SCHIP1: variants seen among roughly 807,000 people sequenced by gnomAD.
SCHIP1 encodes schwannomin-interacting protein 1.
In SCHIP1, 8 loss-of-function variants were observed where a neutral mutation model predicts 29.7. That is an observed-to-expected ratio of 0.27 (90% CI 0.16 to 0.49). The LOEUF (loss-of-function observed/expected upper bound fraction) is 0.49. Among genes scored for constraint, SCHIP1 ranks in the 20% least tolerant of loss-of-function variants. The pLI is 0.99. For synonymous variants in SCHIP1, 76 were observed against 94.9 expected, an observed-to-expected ratio of 0.80 and a Z score of 1.16; for missense variants, 193 against 294.6, an observed-to-expected ratio of 0.66 and a Z score of 2.52.
the SCHIP1 span, among the ~76,000 whole-genome samples, chr3:159,737,565 T>A: frequency 6.6e-6 from 1 of 152,206 alleles, no homozygotes; most frequent in Non-Finnish European, 1.5e-5. Flanking sequence ...TGTGCTACTA[T>A]TATTGAATTC....
chr3:159,409,835 A>G, the SCHIP1 span, among the ~76,000 whole-genome samples: 3 of 152,200 alleles, frequency 2.0e-5, no homozygotes. Flanking sequence ...CTGAACAAAA[A>G]GAACAAAACT....
the SCHIP1 span, chr3:159,387,097 G>A: frequency 2.4e-4 from 43 of 178,700 alleles, no homozygotes; most frequent in Middle Eastern, 4.9e-3. Flanking sequence ...AAGGAATGAT[G>A]TGGAGCATAC....
the SCHIP1 span, among the ~76,000 whole-genome samples, chr3:159,407,443 T>C: frequency 1.3e-5 from 2 of 152,152 alleles, no homozygotes; most frequent in African/African-American, 4.8e-5. Flanking sequence ...AACTGAGGAC[T>C]TCAGTATCTC....
At chr3:159,494,907 T>G in the SCHIP1 span, among the ~76,000 whole-genome samples, 23 of 152,246 alleles carry the variant, frequency 1.5e-4, no homozygotes, top group South Asian at 4.6e-3. Flanking sequence ...GCTTATCCAC[T>G]ATGATCAAGT....
At chr3:159,884,770 A>G (rs1716800456) in intron 2 of SCHIP1, among the ~76,000 whole-genome samples, 1 of 152,190 alleles carries the variant, frequency 6.6e-6, no homozygotes, top group South Asian at 2.1e-4. Context: ...GCCTGGAGAA[A>G]GAAGTAAGGA....
the SCHIP1 span, among the ~76,000 whole-genome samples, chr3:159,582,557 G>A: frequency 1.3e-5 from 2 of 151,934 alleles, no homozygotes; most frequent in African/African-American, 4.8e-5. Flanking sequence ...ATGTTTCTAA[G>A]CAATAAGTAT....
chr3:159,801,652 A>T, the SCHIP1 span, among the ~76,000 whole-genome samples: 6 of 152,286 alleles, frequency 3.9e-5, no homozygotes, highest in East Asian at 1.2e-3. Flanking sequence ...CTCCTGTTAT[A>T]ATCAAAATCT....
chr3:159,765,098 A>C, the SCHIP1 span: 1 of 1,572,556 alleles, frequency 6.4e-7, no homozygotes, highest in South Asian at 1.2e-5. Flanking sequence ...CGGGAGCAGG[A>C]GGTACGGAAC....
chr3:159,553,073 T>C, the SCHIP1 span, among the ~76,000 whole-genome samples: 4 of 152,188 alleles, frequency 2.6e-5, no homozygotes, highest in South Asian at 4.1e-4. Context: ...TGACAATACC[T>C]ATTAAGTTTG....
At chr3:159,357,454 A>T in the SCHIP1 span, among the ~76,000 whole-genome samples, 1 of 152,208 alleles carries the variant, frequency 6.6e-6, no homozygotes, top group Admixed American at 6.5e-5. Flanking sequence ...AGACTGGAAA[A>T]TCAGTGAAGA....
At chr3:159,596,753 A>G in the SCHIP1 span, among the ~76,000 whole-genome samples, 1 of 151,862 alleles carries the variant, frequency 6.6e-6, no homozygotes, top group Non-Finnish European at 1.5e-5. Flanking sequence ...GAACAATGAG[A>G]ACACTTGGAC....
At chr3:159,445,643 A>T in the SCHIP1 span, among the ~76,000 whole-genome samples, 1 of 152,210 alleles carries the variant, frequency 6.6e-6, no homozygotes, top group African/African-American at 2.4e-5. Flanking sequence ...TCCAACCATG[A>T]TAGACTGGAT....
At chr3:159,623,859 CG>C in the SCHIP1 span, among the ~76,000 whole-genome samples, 1 of 152,108 alleles carries the variant, frequency 6.6e-6, no homozygotes, top group Non-Finnish European at 1.5e-5. Context: ...CCATACCCCA[CG>C]TTTTCTTTCT....
the SCHIP1 span, among the ~76,000 whole-genome samples, chr3:159,508,252 G>A: frequency 6.0e-4 from 91 of 152,240 alleles, no homozygotes; most frequent in African/African-American, 1.9e-3. Context: ...GTTTATTTGC[G>A]TAGAGATGTT....
the SCHIP1 span, among the ~76,000 whole-genome samples, chr3:159,809,366 T>A: frequency 6.6e-6 from 1 of 152,208 alleles, no homozygotes; most frequent in South Asian, 2.1e-4. Flanking sequence ...ATGTGCCACA[T>A]TTTCTTAATC....
At chr3:159,350,607 A>G in the SCHIP1 span, among the ~76,000 whole-genome samples, 1 of 152,270 alleles carries the variant, frequency 6.6e-6, no homozygotes, top group South Asian at 2.1e-4. Context: ...GGATGGTAAG[A>G]CTACCTGATG....
intron 1 of SCHIP1, chr3:159,845,506 G>C (rs1405055294): frequency 6.6e-6 from 1 of 151,520 alleles, no homozygotes; most frequent in African/African-American, 2.4e-5. Flanking sequence ...TTAGCCTCCT[G>C]AGTAGCTGAG....
chr3:159,509,670 C>T, the SCHIP1 span, among the ~76,000 whole-genome samples: 2 of 152,176 alleles, frequency 1.3e-5, no homozygotes, highest in Non-Finnish European at 2.9e-5. Context: ...CTGGTGGTGA[C>T]AAAATCACTC....
chr3:159,871,675 T>C (rs944902429), intron 2 of SCHIP1, among the ~76,000 whole-genome samples: 1 of 152,144 alleles, frequency 6.6e-6, no homozygotes, highest in African/African-American at 2.4e-5. Flanking sequence ...TCCAACCTCA[T>C]CTTGAGGCAT....
Sources: gnomAD v4.1 joint callset for allele counts (sites outside exome capture counted in the v4.1 genomes callset) on GRCh38, gnomAD v4.1.1 for gene constraint, MANE v1.5 for transcripts, NCBI Gene and HGNC (gene_info 2026-07-23, HGNC 2026-07-21) for gene names.